The following RASGRF1 variants were observed in gnomAD, a reference collection of about 807,000 sequenced individuals.
RASGRF1 encodes the protein Ras protein specific guanine nucleotide releasing factor 1, also known as ras-specific guanine nucleotide-releasing factor 1.
In RASGRF1, 40 loss-of-function variants were observed where a neutral mutation model predicts 138.7. The observed-to-expected ratio is 0.29, with a 90% CI of 0.22 to 0.38. The LOEUF is 0.38. Ranked by LOEUF, RASGRF1 falls within the 10% of genes least tolerant of loss-of-function variation. RASGRF1 has a pLI of 1.00. For missense variants in RASGRF1, 1,108 were observed against 1,650.4 expected, an observed-to-expected ratio of 0.67 and a Z score of 5.69; for synonymous variants, 614 against 663.2, an observed-to-expected ratio of 0.93 and a Z score of 1.14.
chr15:79,015,264 G>T, intron 13 of RASGRF1, 63 bp downstream of exon 13: 1 of 1,507,000 alleles, frequency 6.6e-7, no homozygotes, highest in Non-Finnish European at 9.2e-7. Flanking sequence ...TGTCCTGGCT[G>T]TCACCTTGTG....
chr15:79,071,983 T>C (rs994271784), intron 1 of RASGRF1, among the ~76,000 whole-genome samples: 1 of 152,154 alleles, frequency 6.6e-6, no homozygotes, highest in African/African-American at 2.4e-5. Context: ...GTCCCTATGA[T>C]CTTTTCTGGC....
Position 78,973,418 on chromosome 15 carries a change from C to T in RASGRF1, c.3497G>A (p.Cys1166Tyr), listed in dbSNP as rs770986945. Residue 1166 changes from cysteine to tyrosine, a missense_variant and splice_region_variant, in exon 25 of 27, where the codon TGT becomes TAT. By Grantham distance (194) the Cys-to-Tyr change is radical. Around this residue, in one of 3 missense-constraint regions of RASGRF1, gnomAD observed 686 missense variants for 976.7 expected, o/e 0.70. Transcript: ENST00000558480. The surrounding 1 kb of genome is among the most constrained non-coding windows in gnomAD (Gnocchi z 4.9). ...CAGGTAAGGGACACAGGGTGGGTCACAACTTGGAAGCAAACGGCATTAACA... is the reference window on the plus strand; with the variant it reads ...CAGGTAAGGGACACAGGGTGGGTCATAACTTGGAAGCAAACGGCATTAACA... The part of the protein sequence containing the change: ...FKNLREALKN[C>Y]DPPCVPYLGM... 9 of 1,598,992 alleles carry T rather than the reference C, an allele frequency of 5.6e-6. No homozygotes were observed. The Middle Eastern group carries it at 1.3e-3, about 237-fold the overall frequency.
chr15:79,063,135 C>T (rs555957515), intron 2 of RASGRF1, among the ~76,000 whole-genome samples: 1 of 152,174 alleles, frequency 6.6e-6, no homozygotes, highest in Non-Finnish European at 1.5e-5. Context: ...AGCCTCTATA[C>T]ACCAGAGCTA....
chr15:79,002,017 C>T (rs1238110843), intron 15 of RASGRF1, among the ~76,000 whole-genome samples: 1 of 152,212 alleles, frequency 6.6e-6, no homozygotes, highest in Non-Finnish European at 1.5e-5. Flanking sequence ...ACCAGGGCTT[C>T]TCAAACCTTA....
chr15:78,972,591 G>T (rs534867352), intron 25 of RASGRF1, among the ~76,000 whole-genome samples: 1 of 152,006 alleles, frequency 6.6e-6, no homozygotes, highest in South Asian at 2.1e-4. Flanking sequence ...CTTCCTTAGC[G>T]CCTGCTGTGC....
chr15:79,013,311 C>T (rs2056828477), intron 13 of RASGRF1, among the ~76,000 whole-genome samples: 1 of 152,144 alleles, frequency 6.6e-6, no homozygotes, highest in African/African-American at 2.4e-5. Flanking sequence ...CTGCTGTACC[C>T]CACCACCTGT....
At chr15:78,979,203 C>T in intron 24 of RASGRF1, 1 of 1,262,420 alleles carries the variant, frequency 7.9e-7, no homozygotes, top group Non-Finnish European at 1.0e-6. Context: ...GGTGCAACAT[C>T]TGTCTGAGGA....
At chr15:79,001,930 CT>C (rs1567491348) in intron 15 of RASGRF1, 143 bp from the exon 16 acceptor site, 6 of 512,172 alleles carry the variant, frequency 1.2e-5, no homozygotes, top group Non-Finnish European at 1.5e-5. Context: ...AGTTTAACAG[CT>C]TTGTTTCCCG....
chr15:79,052,454 GCCC>G (rs1016036096), intron 3 of RASGRF1, among the ~76,000 whole-genome samples: 1 of 152,084 alleles, frequency 6.6e-6, no homozygotes, highest in Non-Finnish European at 1.5e-5. Context: ...CCCAACAGGT[GCCC>G]CCCATCTCTG....
chr15:78,985,368 C>A, intron 22 of RASGRF1, 164 bp from the exon 23 acceptor site: 3 of 685,968 alleles, frequency 4.4e-6, no homozygotes, highest in Non-Finnish European at 7.0e-6. Flanking sequence ...GCTAAAGGTT[C>A]AATATACAAA....
chr15:79,006,305 G>A lies in RASGRF1; in HGVS notation c.1956C>T (p.Phe652=), dbSNP rs1251942439. 3 of 1,614,114 alleles carry A rather than the reference G, an allele frequency of 1.9e-6. No homozygotes were observed. The African/African-American group carries it at 4.0e-5, about 22-fold the overall frequency. The change falls in exon 14 of 27, where the codon TTC becomes TTT. Residue 652 remains phenylalanine (F), a synonymous_variant. Coordinates refer to ENST00000558480, the MANE Select transcript of RASGRF1 (RefSeq NM_001145648.3). The surrounding 1 kb of genome is among the most constrained non-coding windows in gnomAD (Gnocchi z 4.0). The part of the protein sequence containing the change: ...RLLERLTDLR[F]LSIDFLNTFL... ...AGGTGTTGAGGAAGTCGATGCTCAG[G>A]AAGCGCAGGTCCGTCAGCCTCTCCA...
Position 79,017,783 on chromosome 15 carries a change from C to T in RASGRF1, c.1730G>A (p.Ser577Asn), listed in dbSNP as rs774543725. The change falls in exon 12 of 27, where the codon AGT becomes AAT. Residue 577 changes from serine to asparagine, a missense_variant. By Grantham distance (46) the Ser-to-Asn change is conservative (BLOSUM62 1). Transcript: ENST00000558480. ...GACGCTACTCACCTGGCTGATGTCA[C>T]TGGTCCACGCTGCCTTCTCCTGTCT... ...SSRQEKAAWT[S>N]DISQCVDNIR... The T allele has an allele frequency of 3.1e-6, 5 of 1,607,956 alleles. No individual in the cohort carries two copies. The African/African-American group carries it at 6.7e-5, about 22-fold the overall frequency.
At chr15:79,047,605 G>C (rs2057372466) in intron 4 of RASGRF1, among the ~76,000 whole-genome samples, 1 of 152,210 alleles carries the variant, frequency 6.6e-6, no homozygotes, top group Non-Finnish European at 1.5e-5. Flanking sequence ...CTGAGTCCTA[G>C]TGCCTGCCTG....
In RASGRF1 at chr15:78,999,839, A is replaced by AGGCACT; in HGVS notation, c.2644_2649dup (p.Ser882_Ala883dup). 6.2e-7 allele frequency: 1 copy of AGGCACT among 1,614,190 alleles called. No homozygotes were observed. The highest frequency in any genetic ancestry group is 1.1e-5 in the South Asian group (1 of 91,086). On this transcript the variant is annotated inframe_insertion, in exon 17 of 27. Coordinates refer to ENST00000558480, the MANE Select transcript of RASGRF1 (RefSeq NM_001145648.3). ...ATGGCAAAGGCAGAGGCGGCCGACA[A>AGGCACT]GGCACTGCGGTTATTGTCCAGTTCA...
At chr15:78,982,537 C>T (rs1321471368) in intron 23 of RASGRF1, among the ~76,000 whole-genome samples, 1 of 152,168 alleles carries the variant, frequency 6.6e-6, no homozygotes, top group African/African-American at 2.4e-5. Flanking sequence ...GATACCAAGC[C>T]TCTGGGATCT....
chr15:79,032,231 G>C lies in RASGRF1; in HGVS notation c.1044C>G (p.Ala348=). The change falls in exon 7 of 27, where the codon GCC becomes GCG. Residue 348 remains alanine (A), a synonymous_variant. Coordinates refer to ENST00000558480, the MANE Select transcript of RASGRF1 (RefSeq NM_001145648.3). The surrounding 1 kb of genome is among the most constrained non-coding windows in gnomAD (Gnocchi z 4.5). Reference sequence around the variant, plus strand: ...CGAAGTCACGGTTCTGCTTGCAGTGGGCCAGGATCTGCAGGCTGTACTGGT... The same window carrying C: ...CGAAGTCACGGTTCTGCTTGCAGTGCGCCAGGATCTGCAGGCTGTACTGGT... ...RNHQYSLQIL[A]HCKQNRDFDK... is the part of the protein sequence containing the mutation. 6.2e-7 allele frequency: 1 copy of C among 1,614,090 alleles called. No individual in the cohort carries two copies.
intron 2 of RASGRF1, among the ~76,000 whole-genome samples, chr15:79,059,957 G>C (rs2057575583): frequency 7.4e-6 from 1 of 135,462 alleles, no homozygotes; most frequent in Non-Finnish European, 1.6e-5. Flanking sequence ...TGTCTCCACT[G>C]ATACACTCAC....
In RASGRF1 at chr15:79,004,023, AG is replaced by A. The variant is rs1251688810; in HGVS notation, c.2227del (p.Leu743Ter). On this transcript the variant is annotated frameshift_variant, in exon 15 of 27. Coordinates refer to ENST00000558480, the MANE Select transcript of RASGRF1 (RefSeq NM_001145648.3). LOFTEE classifies it high-confidence loss of function. ...GCCGCCAGTGATGATGGGGATGTTCAGGGAGAGCTTCCGCCGGCGGCTCGGT... is the reference window on the plus strand; with the variant it reads ...GCCGCCAGTGATGATGGGGATGTTCAGGAGAGCTTCCGCCGGCGGCTCGGT... ...SSPSRRRKLS[L>X]NIPIITGGKA... 1 of 1,614,100 alleles carries A rather than the reference AG, an allele frequency of 6.2e-7. No homozygotes were observed. The highest frequency in any genetic ancestry group is 8.5e-7 in the Non-Finnish European group (1 of 1,180,010).
chr15:79,019,478 G>A (rs1323042913), intron 11 of RASGRF1, among the ~76,000 whole-genome samples: 1 of 152,012 alleles, frequency 6.6e-6, no homozygotes, highest in Non-Finnish European at 1.5e-5. Flanking sequence ...CCTTCTCACC[G>A]AGGTCTTGCC....
Sources: gnomAD v4.1 joint callset for allele counts (sites outside exome capture counted in the v4.1 genomes callset) on GRCh38, gnomAD v4.1.1 for gene constraint, gnomAD v4.1.1 regional missense constraint, Gnocchi (gnomAD v3.1) non-coding constraint, MANE v1.5 for transcripts, NCBI Gene and HGNC (gene_info 2026-07-23, HGNC 2026-07-21) for gene names.